The following PIBF1 variants were observed in gnomAD, a reference collection of about 807,000 sequenced individuals.
PIBF1 encodes the protein progesterone-induced-blocking factor 1.
Under a neutral mutation model 112.5 loss-of-function variants are expected in PIBF1, and 90 were observed. That is an observed-to-expected ratio of 0.80 (90% CI 0.67 to 0.95). The LOEUF (loss-of-function observed/expected upper bound fraction) is 0.95. Ranked by LOEUF, PIBF1 falls within the 40% of genes least tolerant of loss-of-function variation. The pLI is 0.00. For synonymous variants in PIBF1, 301 were observed against 288.6 expected (o/e 1.04, Z -0.44); for missense variants, 915 against 852.3 (o/e 1.07, Z -0.92).
At chr13:72,820,877 C>G (rs1182967286) in intron 5 of PIBF1, among the ~76,000 whole-genome samples, 2 of 152,164 alleles carry the variant, frequency 1.3e-5, no homozygotes, top group Admixed American at 1.3e-4. Flanking sequence ...CTCCCAGCTT[C>G]CCATATTTAA....
At chr13:72,813,739 C>G (rs1231801536) in intron 5 of PIBF1, among the ~76,000 whole-genome samples, 2 of 152,164 alleles carry the variant, frequency 1.3e-5, no homozygotes, top group African/African-American at 4.8e-5. Flanking sequence ...AAAATTGCTT[C>G]TCCCACATGC....
At chr13:72,817,220 G>A (rs151271652) in intron 5 of PIBF1, among the ~76,000 whole-genome samples, 1,979 of 152,160 alleles carry the variant, frequency 0.013, 24 homozygotes, top group South Asian at 0.027. Context: ...GATTTATTTT[G>A]AAACATAGGT....
At chr13:72,971,966 A>G (rs1287673575) in intron 15 of PIBF1, among the ~76,000 whole-genome samples, 1 of 146,986 alleles carries the variant, frequency 6.8e-6, no homozygotes, top group African/African-American at 2.5e-5. Flanking sequence ...AAAAAAAAAA[A>G]AGTCTGCCAA....
At chr13:72,804,077 T>C (rs901988196) in intron 5 of PIBF1, among the ~76,000 whole-genome samples, 2 of 152,100 alleles carry the variant, frequency 1.3e-5, no homozygotes, top group Non-Finnish European at 2.9e-5. Context: ...AAGCAGACAA[T>C]AAAAACAGAG....
intron 9 of PIBF1, among the ~76,000 whole-genome samples, chr13:72,841,288 TTAG>T (rs2037597297): frequency 6.6e-6 from 1 of 152,222 alleles, no homozygotes; most frequent in South Asian, 2.1e-4. Context: ...AACTTCTTGC[TTAG>T]TAGGTATTAT....
At chr13:72,971,274 A>G (rs527492801) in intron 15 of PIBF1, among the ~76,000 whole-genome samples, 1 of 152,050 alleles carries the variant, frequency 6.6e-6, no homozygotes, top group Non-Finnish European at 1.5e-5. Flanking sequence ...AAGTGTATAC[A>G]TGTATATGAA....
rs182609911 is a variant in PIBF1, at chr13:72,954,429, A to G, written c.1834-10845A>G. Among the ~76,000 whole-genome samples, 4 of 152,314 alleles carry G rather than the reference A, an allele frequency of 2.6e-5. No individual in the cohort carries two copies. In the East Asian group the frequency reaches 7.7e-4, roughly 29 times the overall value. ...AGTCTCCACTTAAAATCATATTGCG[A>G]ATCTCAGGAGCTCTTTTCAACCTGT... On this transcript the variant is annotated intron_variant, in intron 14 of 17. Coordinates refer to ENST00000326291, the MANE Select transcript of PIBF1 (RefSeq NM_006346.4).
intron 11 of PIBF1, among the ~76,000 whole-genome samples, chr13:72,895,413 T>A (rs2040243456): frequency 6.6e-6 from 1 of 151,214 alleles, no homozygotes; most frequent in African/African-American, 2.4e-5. Flanking sequence ...GTCCTTAAGT[T>A]TAAAAGATAT....
Position 72,792,556 on chromosome 13 carries a change from AG to A in PIBF1, c.353+10del. On this transcript the variant is annotated intron_variant, in intron 3 of 17. Transcript: ENST00000326291. ...CAACAGAAAGATGCCAGGTAAGAAA[AG>A]TTTTTTTTAAAAAAAAAACAACATC... The A allele has an allele frequency of 7.2e-7, 1 of 1,385,740 alleles. No individual in the cohort carries two copies. The highest frequency in any genetic ancestry group is 9.9e-7 in the Non-Finnish European group (1 of 1,012,150). 85.8% of individuals were successfully genotyped at this position (1,385,740 alleles called of 1,614,324 possible).
intron 8 of PIBF1, among the ~76,000 whole-genome samples, chr13:72,832,876 C>G (rs1325331942): frequency 1.3e-5 from 2 of 150,884 alleles, no homozygotes; most frequent in African/African-American, 4.9e-5. Flanking sequence ...CAACTTGGTT[C>G]CATTGTCCCC....
chr13:72,998,772 G>A (rs929533323), intron 16 of PIBF1, 50 bp from the exon 17 acceptor site: 1 of 1,266,668 alleles, frequency 7.9e-7, no homozygotes, highest in Non-Finnish European at 1.1e-6. Flanking sequence ...TTATTAGTCT[G>A]CTTGCTAAAA....
chr13:72,965,197 T>C (rs1170858081), intron 14 of PIBF1, 77 bp from the exon 15 acceptor site: 2 of 1,274,974 alleles, frequency 1.6e-6, no homozygotes, highest in African/African-American at 1.5e-5. Flanking sequence ...CTGTACTATA[T>C]TTGTGCTAGA....
rs777208384 is a variant in PIBF1, at chr13:72,827,737, T to C, written c.920T>C (p.Val307Ala). Residue 307 changes from valine to alanine, a missense_variant, in exon 8 of 18, where the codon GTC becomes GCC. By Grantham distance (64) the Val-to-Ala change is moderately conservative (BLOSUM62 0). Transcript: ENST00000326291. Reference sequence around the variant, plus strand: ...TTTGTTTCTACATGTATGTAGGTAGTCACCTTAGAGCAAACTGTTACTTTA... The same window carrying C: ...TTTGTTTCTACATGTATGTAGGTAGCCACCTTAGAGCAAACTGTTACTTTA... ...KERSELSKEV[V>A]TLEQTVTLLQ... 6.5e-7 allele frequency: 1 copy of C among 1,545,338 alleles called. No individual in the cohort carries two copies. Among genetic ancestry groups the C allele is most frequent in the Admixed American group, 1.9e-5 (1 of 53,008 alleles).
chr13:73,001,274 CT>C (rs1453048088), intron 17 of PIBF1, among the ~76,000 whole-genome samples: 10 of 152,174 alleles, frequency 6.6e-5, no homozygotes, highest in African/African-American at 1.7e-4. Flanking sequence ...CATAAGAATA[CT>C]TTTTTATATT....
intron 17 of PIBF1, among the ~76,000 whole-genome samples, chr13:73,003,261 T>C (rs946945918): frequency 6.6e-6 from 1 of 152,096 alleles, no homozygotes; most frequent in East Asian, 1.9e-4. Flanking sequence ...AAAAAATTTT[T>C]TTTTTTTTTG....
chr13:72,942,034 C>G (rs1242177848), intron 14 of PIBF1, among the ~76,000 whole-genome samples: 3 of 152,118 alleles, frequency 2.0e-5, no homozygotes, highest in Admixed American at 6.6e-5. Flanking sequence ...ACATTTATCT[C>G]TGCCCCTTGA....
chr13:72,884,493 G>C (rs939841087), intron 10 of PIBF1: 1 of 152,108 alleles, frequency 6.6e-6, no homozygotes, highest in Non-Finnish European at 1.5e-5. Flanking sequence ...AAAGTGTAGG[G>C]AGAAAAGCAA....
intron 13 of PIBF1, among the ~76,000 whole-genome samples, chr13:72,922,547 GA>G (rs2041334851): frequency 6.6e-6 from 1 of 152,148 alleles, no homozygotes; most frequent in Admixed American, 6.6e-5. Flanking sequence ...TGGCTAATCT[GA>G]ATGTGGAGAC....
chr13:72,942,845 A>T, intron 14 of PIBF1, among the ~76,000 whole-genome samples: 1 of 152,080 alleles, frequency 6.6e-6, no homozygotes, highest in East Asian at 1.9e-4. Flanking sequence ...TACTAAAAAT[A>T]CAAAAATCAT....
Sources: allele counts gnomAD v4.1 joint callset (sites outside exome capture counted in the v4.1 genomes callset), GRCh38; gene constraint gnomAD v4.1.1; transcripts MANE v1.5; gene names NCBI Gene and HGNC (gene_info 2026-07-23, HGNC 2026-07-21).